The following GFRA2 variants were observed in gnomAD, a reference collection of about 807,000 sequenced individuals.
GFRA2 encodes the protein GDNF family receptor alpha 2, also known as GDNF family receptor alpha-2.
GFRA2 carries 17 observed loss-of-function variants against 48.3 expected under a neutral mutation model. The ratio of observed to expected loss-of-function variants is 0.35; its 90% CI spans 0.24 to 0.53. The LOEUF (loss-of-function observed/expected upper bound fraction) is 0.53, where lower values mean the gene tolerates loss of function less well. GFRA2 is among the 20% of genes least tolerant of loss of function. The pLI is 0.93. For synonymous variants in GFRA2, 305 were observed against 257.2 expected (o/e 1.19, Z -1.78); for missense variants, 660 against 637.3 (o/e 1.04, Z -0.38).
chr8:21,811,667 C>T (rs183198241), intron 1 of GFRA2, among the ~76,000 whole-genome samples: 3 of 152,218 alleles, frequency 2.0e-5, no homozygotes, highest in East Asian at 3.9e-4. Context: ...AGTCCTCCCC[C>T]CGCCTTCCCC....
intron 8 of GFRA2, among the ~76,000 whole-genome samples, chr8:21,693,869 C>T (rs527320633): frequency 0.022 from 358 of 16,120 alleles, no homozygotes; most frequent in Admixed American, 0.065. Flanking sequence ...TTCCAATCCC[C>T]ACTCCTCCAT....
chr8:21,744,522 A>C (rs1042151219), intron 4 of GFRA2, among the ~76,000 whole-genome samples: 7 of 144,012 alleles, frequency 4.9e-5, no homozygotes, highest in Non-Finnish European at 1.0e-4. Context: ...CAACAGAATC[A>C]TCCTCCCACG....
chr8:21,811,694 G>A (rs1027930003), intron 1 of GFRA2, among the ~76,000 whole-genome samples: 2 of 151,954 alleles, frequency 1.3e-5, no homozygotes, highest in African/African-American at 2.4e-5. Context: ...TGTCCTAACA[G>A]ATAGCTTCCC....
At chr8:21,730,978 G>A (rs1191964851) in intron 4 of GFRA2, among the ~76,000 whole-genome samples, 1 of 152,112 alleles carries the variant, frequency 6.6e-6, no homozygotes, top group East Asian at 1.9e-4. Context: ...TCAGGGCTGG[G>A]ACCCGGGAAT....
At chr8:21,772,253 C>T (rs983600805) in intron 3 of GFRA2, among the ~76,000 whole-genome samples, 8 of 152,184 alleles carry the variant, frequency 5.3e-5, no homozygotes, top group Non-Finnish European at 1.0e-4. Context: ...CCTGTTCTCA[C>T]CTTCTTTCTG....
chr8:21,730,983 G>A (rs182137004), intron 4 of GFRA2, among the ~76,000 whole-genome samples: 61 of 152,190 alleles, frequency 4.0e-4, no homozygotes, highest in Admixed American at 2.1e-3. Context: ...GCTGGGACCC[G>A]GGAATTCTGG....
chr8:21,769,616 C>T (rs1024382997), intron 3 of GFRA2, among the ~76,000 whole-genome samples: 1 of 152,172 alleles, frequency 6.6e-6, no homozygotes, highest in Non-Finnish European at 1.5e-5. Context: ...ACATTCCAGC[C>T]GTGATGCCAG....
intron 2 of GFRA2, among the ~76,000 whole-genome samples, chr8:21,800,468 C>T (rs1398716602): frequency 6.6e-6 from 1 of 152,246 alleles, no homozygotes; most frequent in Non-Finnish European, 1.5e-5. Flanking sequence ...CACAACCAGT[C>T]GCTTGGAGTG....
chr8:21,709,242 C>A (rs1261724051), intron 4 of GFRA2, among the ~76,000 whole-genome samples: 1 of 152,232 alleles, frequency 6.6e-6, no homozygotes. Flanking sequence ...CCACCAGTCC[C>A]TCCCCATGAA....
intron 3 of GFRA2, among the ~76,000 whole-genome samples, chr8:21,773,099 G>A (rs1342566753): frequency 1.3e-5 from 2 of 152,204 alleles, no homozygotes; most frequent in African/African-American, 4.8e-5. Context: ...AGAAGGAATG[G>A]TCCCAAGTGG....
chr8:21,794,552 A>C (rs2117105586), intron 2 of GFRA2, among the ~76,000 whole-genome samples: 1 of 152,306 alleles, frequency 6.6e-6, no homozygotes, highest in African/African-American at 2.4e-5. Context: ...CACCCAGCTG[A>C]CCACTTTATT....
chr8:21,743,735 C>T (rs1482157847), intron 4 of GFRA2, among the ~76,000 whole-genome samples: 2 of 152,196 alleles, frequency 1.3e-5, no homozygotes, highest in Non-Finnish European at 2.9e-5. Context: ...ATCCATGCTG[C>T]CCCTCCTATG....
chr8:21,732,440 G>A (rs1025683248), intron 4 of GFRA2, among the ~76,000 whole-genome samples: 2 of 152,348 alleles, frequency 1.3e-5, no homozygotes, highest in Admixed American at 6.5e-5. Context: ...GGCAGTGAGG[G>A]ATGAGTCTGC....
intron 1 of GFRA2, among the ~76,000 whole-genome samples, chr8:21,806,663 T>A (rs1205997017): frequency 2.0e-5 from 3 of 152,172 alleles, no homozygotes; most frequent in Non-Finnish European, 2.9e-5. Flanking sequence ...GATGGGGTCT[T>A]GCCGTGTTGC....
Position 21,707,908 on chromosome 8 carries a change from A to G in GFRA2, c.795-1867T>C, listed in dbSNP as rs190498767. 5.3e-5 allele frequency among the ~76,000 whole-genome samples: 8 copies of G among 152,358 alleles called. No individual in the cohort carries two copies. In the East Asian group the frequency reaches 1.5e-3, roughly 29 times the overall value. Reference sequence around the variant, plus strand: ...AAAGGTACTTTCATATCCATCTTTTATCATTTAACCCTCACAAATGCTCCG... The same window carrying G: ...AAAGGTACTTTCATATCCATCTTTTGTCATTTAACCCTCACAAATGCTCCG... On this transcript the variant is annotated intron_variant, in intron 4 of 8. Coordinates refer to ENST00000524240, the MANE Select transcript of GFRA2 (RefSeq NM_001495.5).
upstream of GFRA2, among the ~76,000 whole-genome samples, chr8:21,789,019 A>AGGCGGCT (rs1292041037): frequency 9.3e-6 from 1 of 107,238 alleles, no homozygotes; most frequent in Non-Finnish European, 1.7e-5. Context: ...TCGGGCTCCC[A>AGGCGGCT]GGCGGCTGGC....
intron 2 of GFRA2, among the ~76,000 whole-genome samples, chr8:21,802,581 C>A (rs1807790815): frequency 6.6e-6 from 1 of 152,118 alleles, no homozygotes; most frequent in East Asian, 1.9e-4. Flanking sequence ...TCTAGAACTC[C>A]TGGGCTCAAG....
At chr8:21,723,946 C>T (rs910065697) in intron 4 of GFRA2, among the ~76,000 whole-genome samples, 2 of 152,098 alleles carry the variant, frequency 1.3e-5, no homozygotes, top group Non-Finnish European at 2.9e-5. Context: ...AACAGACAAG[C>T]CCCAGGGAAG....
chr8:21,739,391 T>A (rs1216775492), intron 4 of GFRA2, among the ~76,000 whole-genome samples: 1 of 152,158 alleles, frequency 6.6e-6, no homozygotes, highest in Non-Finnish European at 1.5e-5. Flanking sequence ...CAACTCACCC[T>A]AATTTCCATC....
Sources: allele counts gnomAD v4.1 joint callset (sites outside exome capture counted in the v4.1 genomes callset), GRCh38; gene constraint gnomAD v4.1.1; transcripts MANE v1.5; gene names NCBI Gene and HGNC (gene_info 2026-07-23, HGNC 2026-07-21).